ABLIM1: variants seen among roughly 807,000 people sequenced by gnomAD.
ABLIM1 encodes the protein actin binding LIM protein 1.
In ABLIM1, 40 loss-of-function variants were observed where a neutral mutation model predicts 107.0. That is an observed-to-expected ratio of 0.37 (90% CI 0.29 to 0.49). The LOEUF is 0.49. Ranked by LOEUF, ABLIM1 falls within the 20% of genes least tolerant of loss-of-function variation. The pLI, the probability that ABLIM1 is intolerant of heterozygous loss-of-function variation, is 0.97. For synonymous variants in ABLIM1, 357 were observed against 357.3 expected (o/e 1.00, Z 0.01); for missense variants, 857 against 1,008.5 (o/e 0.85, Z 2.04).
At chr10:114,786,232 G>A in the ABLIM1 span, among the ~76,000 whole-genome samples, 706 of 152,188 alleles carry the variant, frequency 4.6e-3, 10 homozygotes, top group African/African-American at 0.016. Context: ...ACAGAGTATG[G>A]TCTGAAACAA....
intron 6 of ABLIM1, among the ~76,000 whole-genome samples, chr10:114,528,222 A>C (rs973856871): frequency 1.2e-4 from 19 of 152,136 alleles, no homozygotes; most frequent in Non-Finnish European, 1.9e-4. Flanking sequence ...CTCCTGCCTC[A>C]GCCTCCCAAA....
intron 2 of ABLIM1, among the ~76,000 whole-genome samples, chr10:114,593,175 A>G (rs1001397681): frequency 3.3e-5 from 5 of 152,218 alleles, no homozygotes; most frequent in Admixed American, 2.6e-4. Flanking sequence ...CCTTGGTTGT[A>G]CTAATCGTTT....
intron 6 of ABLIM1, among the ~76,000 whole-genome samples, chr10:114,500,387 C>T (rs2060228253): frequency 6.6e-6 from 1 of 152,098 alleles, no homozygotes; most frequent in Non-Finnish European, 1.5e-5. Context: ...CATTTCTTCA[C>T]CTGTAAAAAC....
chr10:114,440,969 C>G, intron 19 of ABLIM1, 48 bp downstream of exon 19: 1 of 1,543,242 alleles, frequency 6.5e-7, no homozygotes, highest in Non-Finnish European at 8.8e-7. Context: ...TGAACCTCAG[C>G]CTCGAGGGAA....
chr10:114,549,788 C>T (rs184612336), intron 4 of ABLIM1, among the ~76,000 whole-genome samples: 76 of 152,074 alleles, frequency 5.0e-4, no homozygotes, highest in African/African-American at 1.6e-3. Context: ...TTCAAAAGAA[C>T]GAGGCAGATT....
chr10:114,499,249 T>C (rs2060073532), intron 6 of ABLIM1, among the ~76,000 whole-genome samples: 1 of 152,234 alleles, frequency 6.6e-6, no homozygotes, highest in Non-Finnish European at 1.5e-5. Context: ...GTTTCTCATA[T>C]AGACCCTTGA....
intron 1 of ABLIM1, among the ~76,000 whole-genome samples, chr10:114,642,985 C>T (rs1222486288): frequency 6.6e-6 from 1 of 152,182 alleles, no homozygotes; most frequent in Non-Finnish European, 1.5e-5. Flanking sequence ...AAACGTCGTT[C>T]AGAGATAAGG....
intron 1 of ABLIM1, among the ~76,000 whole-genome samples, chr10:114,607,743 C>G (rs972174417): frequency 6.6e-6 from 1 of 152,162 alleles, no homozygotes; most frequent in African/African-American, 2.4e-5. Context: ...GACAAGTACT[C>G]TTCAAAATTG....
intron 6 of ABLIM1, among the ~76,000 whole-genome samples, chr10:114,517,678 C>CA: frequency 6.6e-6 from 1 of 152,182 alleles, no homozygotes; most frequent in South Asian, 2.1e-4. Context: ...CACAGCAGGA[C>CA]AAAAAACTTG....
chr10:114,732,739 T>C (rs1184327870), intron 1 of ABLIM1, among the ~76,000 whole-genome samples: 3 of 151,976 alleles, frequency 2.0e-5, no homozygotes, highest in African/African-American at 7.3e-5. Flanking sequence ...TTAAATTATT[T>C]CTAGAAAAAA....
chr10:114,731,414 C>A (rs1566282935), intron 1 of ABLIM1, among the ~76,000 whole-genome samples: 1 of 150,352 alleles, frequency 6.7e-6, no homozygotes, highest in Non-Finnish European at 1.5e-5. Flanking sequence ...AGTGCCAGGA[C>A]TATGGGCATG....
the ABLIM1 span, among the ~76,000 whole-genome samples, chr10:114,777,409 A>G: frequency 2.7e-3 from 416 of 152,220 alleles, 1 homozygote; most frequent in African/African-American, 9.5e-3. Context: ...TATATCAACC[A>G]TCTGTGGCTT....
chr10:114,681,376 G>A (rs2080741558), intron 1 of ABLIM1, among the ~76,000 whole-genome samples: 1 of 151,998 alleles, frequency 6.6e-6, no homozygotes, highest in Non-Finnish European at 1.5e-5. Context: ...TGTATTTTTA[G>A]TAGAAATGAG....
At chr10:114,736,021 T>C (rs1336297572) in intron 1 of ABLIM1, among the ~76,000 whole-genome samples, 1 of 152,246 alleles carries the variant, frequency 6.6e-6, no homozygotes, top group African/African-American at 2.4e-5. Flanking sequence ...CATCACCATT[T>C]GTGGAGCAAT....
At chr10:114,520,378 C>A (rs901248216) in intron 6 of ABLIM1, among the ~76,000 whole-genome samples, 1 of 152,036 alleles carries the variant, frequency 6.6e-6, no homozygotes, top group East Asian at 1.9e-4. Context: ...AGAACTCTGT[C>A]AGGTTTAAAA....
chr10:114,768,646 G>C (rs1407509553), upstream of ABLIM1, among the ~76,000 whole-genome samples: 1 of 152,018 alleles, frequency 6.6e-6, no homozygotes, highest in Admixed American at 6.5e-5. Flanking sequence ...CCAGGCTCTC[G>C]GAAAGCCTAT....
intron 1 of ABLIM1, among the ~76,000 whole-genome samples, chr10:114,626,072 G>A (rs1164132220): frequency 6.6e-6 from 1 of 152,188 alleles, no homozygotes; most frequent in Non-Finnish European, 1.5e-5. Flanking sequence ...CGCATGACAA[G>A]CAGGAAGCTT....
chr10:114,458,094 CTGTGTGTG>C (rs35469132), intron 12 of ABLIM1, among the ~76,000 whole-genome samples: 4 of 149,380 alleles, frequency 2.7e-5, no homozygotes, highest in Admixed American at 6.7e-5. Flanking sequence ...CAAAACTACT[CTGTGTGTG>C]TGTGTGTGTG....
At chr10:114,489,230 C>T (rs2058607175) in intron 7 of ABLIM1, among the ~76,000 whole-genome samples, 1 of 152,128 alleles carries the variant, frequency 6.6e-6, no homozygotes, top group Non-Finnish European at 1.5e-5. Context: ...ATTGGCCAGG[C>T]TCTTTGGAAC....
Sources: gnomAD v4.1 joint callset for allele counts (sites outside exome capture counted in the v4.1 genomes callset) on GRCh38, gnomAD v4.1.1 for gene constraint, MANE v1.5 for transcripts, NCBI Gene and HGNC (gene_info 2026-07-23, HGNC 2026-07-21) for gene names.